The following MASP1 variants were observed in gnomAD, a reference collection of about 807,000 sequenced individuals.
The protein encoded by MASP1 is mannan-binding lectin serine protease 1.
In MASP1, 59 loss-of-function variants were observed where a neutral mutation model predicts 77.1. The ratio of observed to expected loss-of-function variants is 0.77; its 90% CI spans 0.62 to 0.95. The LOEUF is 0.95. MASP1 is among the 40% of genes least tolerant of loss of function. The probability of loss-of-function intolerance (pLI) is 0.00; values close to 1 mark genes in which losing one functional copy is unlikely to be tolerated. For missense variants in MASP1, 885 were observed against 912.9 expected (o/e 0.97, Z 0.39); for synonymous variants, 362 against 354.5 (o/e 1.02, Z -0.24).
intron 2 of MASP1, among the ~76,000 whole-genome samples, chr3:187,267,720 A>C (rs1251679813): frequency 2.0e-5 from 3 of 152,078 alleles, no homozygotes; most frequent in Non-Finnish European, 4.4e-5. Flanking sequence ...CTTCTCAGAG[A>C]CCCTTTTCCA....
intron 7 of MASP1, 92 bp from the exon 8 acceptor site, chr3:187,250,421 G>A: frequency 4.4e-6 from 4 of 909,720 alleles, no homozygotes; most frequent in South Asian, 2.6e-5. Flanking sequence ...AGCTCCACAC[G>A]TGTCTTGATC....
intron 1 of MASP1, among the ~76,000 whole-genome samples, chr3:187,290,352 G>T (rs1718210362): frequency 6.6e-6 from 1 of 152,204 alleles, no homozygotes; most frequent in Non-Finnish European, 1.5e-5. Context: ...ATGAGCATAT[G>T]CAAAGATACA....
intron 2 of MASP1, among the ~76,000 whole-genome samples, chr3:187,279,602 A>T (rs1223369663): frequency 6.6e-6 from 1 of 152,192 alleles, no homozygotes; most frequent in Non-Finnish European, 1.5e-5. Flanking sequence ...AACATTTCTC[A>T]GTTGACCCTC....
intron 7 of MASP1, 48 bp downstream of exon 7, chr3:187,251,586 G>C: frequency 6.6e-7 from 1 of 1,512,774 alleles, no homozygotes; most frequent in African/African-American, 1.4e-5. Context: ...CAGGTTTCGA[G>C]AGTTTCTGTG....
At chr3:187,286,182 C>T (rs950268376) in intron 1 of MASP1, 126 bp from the exon 2 acceptor site, 4 of 756,778 alleles carry the variant, frequency 5.3e-6, no homozygotes, top group African/African-American at 3.4e-5. Flanking sequence ...ATTAGCTTTC[C>T]CCTTCTGACC....
chr3:187,240,115 C>T (rs1369890717), intron 10 of MASP1, among the ~76,000 whole-genome samples: 1 of 151,932 alleles, frequency 6.6e-6, no homozygotes, highest in East Asian at 1.9e-4. Context: ...TTGTGAGGCC[C>T]CTCCAGCCAT....
intron 1 of MASP1, among the ~76,000 whole-genome samples, chr3:187,289,181 G>A (rs1718100919): frequency 1.1e-5 from 1 of 92,638 alleles, no homozygotes; most frequent in Admixed American, 9.9e-5. Flanking sequence ...GAGGCCCCCC[G>A]TAGGAACAGG....
At chr3:187,241,312 G>T (rs956408008) in intron 10 of MASP1, among the ~76,000 whole-genome samples, 169 bp downstream of exon 10, 1 of 152,134 alleles carries the variant, frequency 6.6e-6, no homozygotes, top group Non-Finnish European at 1.5e-5. Flanking sequence ...GGTTTGAGAA[G>T]GTGTGAAGCA....
intron 12 of MASP1, chr3:187,225,515 CAAG>C: frequency 6.2e-7 from 1 of 1,614,066 alleles, no homozygotes; most frequent in Non-Finnish European, 8.5e-7. Flanking sequence ...CTTGCCTGGG[CAAG>C]AAGAAGACAT....
chr3:187,253,042 C>T (rs1248972953), intron 6 of MASP1, 126 bp downstream of exon 6: 1 of 1,248,186 alleles, frequency 8.0e-7, no homozygotes, highest in African/African-American at 1.5e-5. Flanking sequence ...TGGTCCCCAG[C>T]TGCTCAACTG....
At chr3:187,225,100 T>C (rs1342957532) in intron 13 of MASP1, among the ~76,000 whole-genome samples, 1 of 152,252 alleles carries the variant, frequency 6.6e-6, no homozygotes, top group Admixed American at 6.5e-5. Flanking sequence ...AGTCTAGTTT[T>C]TGTTTTTCTA....
exon 16 of MASP1, chr3:187,220,260 C>T (rs1044302058): frequency 3.7e-6 from 6 of 1,613,890 alleles, no homozygotes; most frequent in Non-Finnish European, 5.1e-6. Flanking sequence ...CGTCCTTTCC[C>T]CCTAGGTGAA....
chr3:187,290,862 G>T (rs141052253), intron 1 of MASP1, among the ~76,000 whole-genome samples: 1 of 152,016 alleles, frequency 6.6e-6, no homozygotes, highest in African/African-American at 2.4e-5. Flanking sequence ...AGACTTGCAG[G>T]ATAGAACTTG....
At position 187,235,849 on chromosome 3, in the gene MASP1, C is replaced by T. The variant is rs1713114680; in HGVS notation, c.2022G>A (p.Leu674=). 1.9e-6 allele frequency: 3 copies of T among 1,614,204 alleles called. No homozygotes were observed. In the African/African-American group the frequency reaches 4.0e-5, roughly 22 times the overall value. ...GGCCTTGCACCACCCAGCGCTGGCT[C>T]AAGTCATCAAAGATGACAAAGGCCC... is the stretch of plus-strand genomic sequence containing the variant. ...SGGAFVIFDD[L]SQRWVVQGLV... is the part of the protein sequence containing the mutation. The change falls in exon 11 of 11, where the codon TTG becomes TTA. Residue 674 remains leucine (L), a synonymous_variant. Coordinates refer to ENST00000296280, the MANE Select transcript of MASP1 (RefSeq NM_139125.4).
At chr3:187,227,738 G>C (rs1013561115) in intron 11 of MASP1, among the ~76,000 whole-genome samples, 3 of 152,168 alleles carry the variant, frequency 2.0e-5, no homozygotes, top group South Asian at 2.1e-4. Context: ...AGGTGGATCA[G>C]GTGGGCTGAG....
chr3:187,229,922 G>A (rs202043042), downstream of MASP1: 3 of 1,613,718 alleles, frequency 1.9e-6, no homozygotes, highest in South Asian at 3.3e-5. Context: ...GGGAGGGAGA[G>A]ACAGATCAGA....
At chr3:187,255,095 A>C (rs896437389) in intron 5 of MASP1, among the ~76,000 whole-genome samples, 3 of 152,062 alleles carry the variant, frequency 2.0e-5, no homozygotes, top group Non-Finnish European at 2.9e-5. Flanking sequence ...AGATGTATTA[A>C]AGTTATTCAT....
At position 187,236,100 on chromosome 3, in the gene MASP1, C is replaced by A. The variant is rs377265658; in HGVS notation, c.1771G>T (p.Ala591Ser). 1.2e-6 allele frequency: 2 copies of A among 1,613,982 alleles called. No homozygotes were observed. The highest frequency in any genetic ancestry group is 2.2e-5 in the East Asian group (1 of 44,882). The change falls in exon 11 of 11, where the codon GCC becomes TCC. Residue 591 changes from alanine to serine, a missense_variant. Physicochemically the swap from Ala to Ser is moderately conservative, Grantham distance 99 (BLOSUM62 1). Coordinates refer to ENST00000296280, the MANE Select transcript of MASP1 (RefSeq NM_139125.4). ...TTGGGATTGGAGATGCCCCAGCCGG[C>A]CACCAGGCCCAGCATGTGGGGGGCC... ...GPAPHMLGLV[A>S]GWGISNPNVT...
At chr3:187,229,626 G>C, downstream of MASP1, 1 of 1,204,366 alleles carries the variant, frequency 8.3e-7, no homozygotes, top group Non-Finnish European at 1.2e-6. Flanking sequence ...GTCTAGCCGA[G>C]AACTCTTTCT....
Sources: gnomAD v4.1 joint callset for allele counts (sites outside exome capture counted in the v4.1 genomes callset) on GRCh38, gnomAD v4.1.1 for gene constraint, MANE v1.5 for transcripts, NCBI Gene and HGNC (gene_info 2026-07-23, HGNC 2026-07-21) for gene names.